PI4KB: variants seen among roughly 807,000 people sequenced by gnomAD.
PI4KB encodes the protein PtdIns 4-kinase beta.
In PI4KB, 23 loss-of-function variants were observed where a neutral mutation model predicts 81.4. The ratio of observed to expected loss-of-function variants is 0.28; its 90% CI spans 0.20 to 0.40. PI4KB has a LOEUF of 0.40. PI4KB is among the 10% of genes least tolerant of loss of function. The pLI, the probability that PI4KB is intolerant of heterozygous loss-of-function variation, is 1.00. For synonymous variants in PI4KB, 381 were observed against 406.8 expected, an observed-to-expected ratio of 0.94 and a Z score of 0.76; for missense variants, 651 against 1,036.6, an observed-to-expected ratio of 0.63 and a Z score of 5.11.
chr1:151,317,977 TA>T lies in PI4KB; in HGVS notation c.-28-1469del, dbSNP rs1293524003. On this transcript the variant is annotated intron_variant, in intron 1 of 11. Coordinates refer to ENST00000368873, the MANE Select transcript of PI4KB (RefSeq NM_001369623.2). ...GTGTGTGCCATCATGCTCAGCTAAT[TA>T]AAAAAAAATTTTTTTGTGCAGATGG... Among the ~76,000 whole-genome samples, 3 of 151,828 alleles carry T rather than the reference TA, an allele frequency of 2.0e-5. No homozygotes were observed. In the East Asian group the frequency reaches 5.8e-4, roughly 29 times the overall value.
intron 8 of PI4KB, among the ~76,000 whole-genome samples, chr1:151,299,637 C>T (rs1013890503): frequency 6.6e-6 from 1 of 151,990 alleles, no homozygotes; most frequent in Non-Finnish European, 1.5e-5. Flanking sequence ...TTGCAGTGAG[C>T]CAAGATTGCA....
intron 5 of PI4KB, among the ~76,000 whole-genome samples, chr1:151,305,725 G>A (rs917369859): frequency 6.6e-6 from 1 of 152,170 alleles, no homozygotes; most frequent in Non-Finnish European, 1.5e-5. Context: ...CTTGTAGGCA[G>A]GGGCCAAGTC....
chr1:151,318,043 C>T (rs1218608031), intron 1 of PI4KB, among the ~76,000 whole-genome samples: 1 of 151,954 alleles, frequency 6.6e-6, no homozygotes, highest in Non-Finnish European at 1.5e-5. Flanking sequence ...GAACGCCTGG[C>T]CTCAAGCAAT....
intron 8 of PI4KB, among the ~76,000 whole-genome samples, chr1:151,300,384 A>C (rs1217511451): frequency 6.6e-6 from 1 of 152,170 alleles, no homozygotes; most frequent in Admixed American, 6.5e-5. Flanking sequence ...AGGTGGGCGG[A>C]TCACCTGAGG....
Position 151,316,404 on chromosome 1 carries a change from C to G in PI4KB, c.78G>C (p.Gly26=). The change falls in exon 2 of 12, where the codon GGG becomes GGC. Residue 26 remains glycine, a synonymous_variant. Transcript: ENST00000368873. ...EPTSGPPGNN[G]GSLLSVITEG... ...CCGTGATGACACTTAGCAGGGACCC[C>G]CCATTATTCCCTGGTGGGCCAGAAG... The G allele has an allele frequency of 6.3e-7, 1 of 1,594,170 alleles. No homozygotes were observed. Among genetic ancestry groups the G allele is most frequent in the Non-Finnish European group, 8.5e-7 (1 of 1,169,850 alleles).
Position 151,321,881 on chromosome 1 carries a change from A to AC in PI4KB, c.-28-5373_-28-5372insG, listed in dbSNP as rs553395253. On this transcript the variant is annotated intron_variant, in intron 1 of 11. Coordinates refer to ENST00000368873, the MANE Select transcript of PI4KB (RefSeq NM_001369623.2). Reference sequence around the variant, plus strand: ...GAGTGAGACTCTGTCTTAAAAAAAAAAAAAAAAAAAAGCCTTTGAGGGTAA... The same window carrying AC: ...GAGTGAGACTCTGTCTTAAAAAAAAACAAAAAAAAAAAGCCTTTGAGGGTAA... 7.3e-5 allele frequency among the ~76,000 whole-genome samples: 11 copies of AC among 151,620 alleles called. No individual in the cohort carries two copies. The South Asian group carries it at 1.9e-3, about 26-fold the overall frequency.
intron 1 of PI4KB, among the ~76,000 whole-genome samples, chr1:151,317,493 T>A (rs962860028): frequency 6.6e-6 from 1 of 151,662 alleles, no homozygotes; most frequent in African/African-American, 2.4e-5. Context: ...ATTTTTTAAA[T>A]TTTTCTGTAG....
At chr1:151,295,457 T>G (rs1250242674) in intron 9 of PI4KB, among the ~76,000 whole-genome samples, 4 of 152,212 alleles carry the variant, frequency 2.6e-5, no homozygotes, top group Non-Finnish European at 4.4e-5. Flanking sequence ...CTAGGAGTTG[T>G]CATGGTTCAA....
intron 4 of PI4KB, 186 bp from the exon 5 acceptor site, chr1:151,306,549 T>C: frequency 1.7e-6 from 1 of 592,868 alleles, no homozygotes; most frequent in Non-Finnish European, 3.0e-6. Flanking sequence ...TGTAAAGAAT[T>C]TGTGTGACAG....
Position 151,315,975 on chromosome 1 carries a change from G to A in PI4KB, c.507C>T (p.Asn169=), listed in dbSNP as rs753508696. The change falls in exon 2 of 12, where the codon AAC becomes AAT. Residue 169 remains asparagine, a synonymous_variant. Coordinates refer to ENST00000368873, the MANE Select transcript of PI4KB (RefSeq NM_001369623.2). ...GGGGCAGATAGAAGTCCACGTCCTC[G>A]TTGCGAAAGCAGAAGAGCCGGTTGC... ...YIGNRLFCFR[N]EDVDFYLPQL... is the part of the protein sequence containing the mutation. 1.4e-5 allele frequency: 22 copies of A among 1,612,920 alleles called. No homozygotes were observed. In the South Asian group the frequency reaches 1.8e-4, roughly 13 times the overall value.
intron 10 of PI4KB, 28 bp downstream of exon 10, chr1:151,294,381 C>CG (rs1557783113): frequency 1.2e-6 from 2 of 1,610,820 alleles, no homozygotes; most frequent in Non-Finnish European, 1.7e-6. Context: ...CAATGACCCC[C>CG]GAGAGGCACC....
Position 151,316,368 on chromosome 1 carries a change from C to T in PI4KB, c.114G>A (p.Gly38=). ...CCTCAGGGTCAATCACTGATAGTTC[C>T]CCGACCCCCTCCGTGATGACACTTA... ...SLLSVITEGV[G]ELSVIDPEVA... is the part of the protein sequence containing the mutation. Residue 38 remains glycine, a synonymous_variant, in exon 2 of 12, where the codon GGG becomes GGA. Transcript: ENST00000368873. 6.2e-7 allele frequency: 1 copy of T among 1,610,060 alleles called. No individual in the cohort carries two copies.
At chr1:151,315,499 G>C in intron 2 of PI4KB, 74 bp downstream of exon 2, 1 of 934,004 alleles carries the variant, frequency 1.1e-6, no homozygotes, top group South Asian at 1.3e-5. Context: ...GTAACCCTGT[G>C]TGTATATAGG....
chr1:151,315,014 T>G (rs1212758068), intron 2 of PI4KB, among the ~76,000 whole-genome samples: 2 of 152,224 alleles, frequency 1.3e-5, no homozygotes. Context: ...AGTCTCACTC[T>G]GTCGCCCAAG....
intron 8 of PI4KB, among the ~76,000 whole-genome samples, chr1:151,301,463 T>C (rs139852498): frequency 0.012 from 1,778 of 152,248 alleles, 36 homozygotes; most frequent in African/African-American, 0.04. Context: ...AGTGGTGCAA[T>C]CTCCGCTCAC....
At chr1:151,303,245 C>T (rs374276590) in intron 6 of PI4KB, 35 of 265,810 alleles carry the variant, frequency 1.3e-4, no homozygotes, top group Admixed American at 2.1e-4. Flanking sequence ...GTGATCTGCC[C>T]GCCTCGGCCT....
intron 3 of PI4KB, 60 bp from the exon 4 acceptor site, chr1:151,307,861 C>T: frequency 1.6e-6 from 2 of 1,267,882 alleles, no homozygotes; most frequent in East Asian, 2.3e-5. Context: ...CAATGGCACA[C>T]CCACTCAGTC....
chr1:151,307,641 G>T lies in PI4KB; in HGVS notation c.1115C>A (p.Ala372Asp). ...ACGGACCACGTGGTGGTCAAAGCCA[G>T]CAGTGGGCAGCCAGACTCGGGCAGG... Reference protein sequence around the residue: ...KLPARVWLPTAGFDHHVVRVP... With the variant: ...KLPARVWLPTDGFDHHVVRVP... The change falls in exon 4 of 12, where the codon GCT becomes GAT. Residue 372 changes from alanine to aspartate, a missense_variant. Around this residue, in one of 5 missense-constraint regions of PI4KB, gnomAD observed 246 missense variants for 430.1 expected, o/e 0.57. Coordinates refer to ENST00000368873, the MANE Select transcript of PI4KB (RefSeq NM_001369623.2). 6.2e-7 allele frequency: 1 copy of T among 1,614,220 alleles called. No homozygotes were observed. Among genetic ancestry groups the T allele is most frequent in the Non-Finnish European group, 8.5e-7 (1 of 1,180,036 alleles).
chr1:151,324,276 AAG>A (rs1312866715), intron 1 of PI4KB, among the ~76,000 whole-genome samples: 2 of 152,136 alleles, frequency 1.3e-5, no homozygotes, highest in African/African-American at 4.8e-5. Context: ...ATAATTTTTA[AAG>A]AGAGGTTGCT....
Sources: allele counts gnomAD v4.1 joint callset (sites outside exome capture counted in the v4.1 genomes callset), GRCh38; gene constraint gnomAD v4.1.1; regional missense constraint gnomAD v4.1.1; transcripts MANE v1.5; gene names NCBI Gene and HGNC (gene_info 2026-07-23, HGNC 2026-07-21).